The following IGSF21 variants were observed in gnomAD, a reference collection of about 807,000 sequenced individuals.
The protein encoded by IGSF21 is immunoglobin superfamily member 21.
In IGSF21, 28 loss-of-function variants were observed where a neutral mutation model predicts 46.8. The observed-to-expected ratio is 0.60, with a 90% CI of 0.44 to 0.82. The LOEUF (loss-of-function observed/expected upper bound fraction) is 0.82, where lower values mean the gene tolerates loss of function less well. Ranked by LOEUF, IGSF21 falls within the 40% of genes least tolerant of loss-of-function variation. IGSF21 has a pLI of 0.00. For missense variants in IGSF21, 624 were observed against 665.5 expected (o/e 0.94, Z 0.69); for synonymous variants, 284 against 273.6 (o/e 1.04, Z -0.38).
At chr1:18,229,241 G>T (rs2084600154) in intron 2 of IGSF21, among the ~76,000 whole-genome samples, 1 of 152,092 alleles carries the variant, frequency 6.6e-6, no homozygotes, top group South Asian at 2.1e-4. Flanking sequence ...GGAAGGTGGG[G>T]GGTGGGCACC....
At chr1:18,230,168 G>A (rs1396498993) in intron 2 of IGSF21, among the ~76,000 whole-genome samples, 1 of 152,150 alleles carries the variant, frequency 6.6e-6, no homozygotes, top group Non-Finnish European at 1.5e-5. Context: ...TAGAAGCCAG[G>A]AGCAGGTTTC....
chr1:18,281,319 G>T (rs572518701), intron 2 of IGSF21, among the ~76,000 whole-genome samples: 2 of 152,078 alleles, frequency 1.3e-5, no homozygotes, highest in Non-Finnish European at 2.9e-5. Context: ...CAACACTTTG[G>T]GAGGCGAGGT....
In IGSF21 at chr1:18,354,828, A is replaced by T. The variant is rs2085997818; in HGVS notation, c.425-7287A>T. ...GAGAGGGGCGTGGGCCATTGGAGAG[A>T]TAATATAATTAAAGCTTTCCTGTTT... On this transcript the variant is annotated intron_variant, in intron 4 of 9. Transcript: ENST00000251296. Among the ~76,000 whole-genome samples, 4 of 152,138 alleles carry T rather than the reference A, an allele frequency of 2.6e-5. No homozygotes were observed. The South Asian group carries it at 8.3e-4, about 31-fold the overall frequency.
chr1:18,170,988 A>G (rs915016787), intron 1 of IGSF21, among the ~76,000 whole-genome samples: 4 of 152,156 alleles, frequency 2.6e-5, no homozygotes, highest in African/African-American at 7.2e-5. Flanking sequence ...GAGGCATAGC[A>G]TGAACAAAAG....
At chr1:18,260,663 T>A (rs2084938706) in intron 2 of IGSF21, among the ~76,000 whole-genome samples, 1 of 152,230 alleles carries the variant, frequency 6.6e-6, no homozygotes, top group Non-Finnish European at 1.5e-5. Context: ...GGGCAGTAAC[T>A]TCTGAGTGTT....
chr1:18,338,946 T>C (rs576823673), intron 4 of IGSF21, among the ~76,000 whole-genome samples: 3 of 152,192 alleles, frequency 2.0e-5, no homozygotes, highest in South Asian at 2.1e-4. Context: ...AATTAGATGT[T>C]GTGAGAGCCA....
chr1:18,339,252 G>T (rs2085803578), intron 4 of IGSF21, among the ~76,000 whole-genome samples: 1 of 152,176 alleles, frequency 6.6e-6, no homozygotes, highest in Non-Finnish European at 1.5e-5. Context: ...GCAGGAGCGG[G>T]GCGTCCCACC....
intron 1 of IGSF21, among the ~76,000 whole-genome samples, chr1:18,134,375 T>A (rs1395019546): frequency 6.6e-6 from 1 of 152,108 alleles, no homozygotes; most frequent in African/African-American, 2.4e-5. Flanking sequence ...CTTGTGGACA[T>A]GGCCTCAGAA....
chr1:18,199,229 A>C (rs1484661031), intron 1 of IGSF21, among the ~76,000 whole-genome samples: 1 of 152,058 alleles, frequency 6.6e-6, no homozygotes, highest in Non-Finnish European at 1.5e-5. Flanking sequence ...GCGTGCCCTG[A>C]GTTCAAATAC....
chr1:18,374,600 G>C (rs1363866956), intron 6 of IGSF21, among the ~76,000 whole-genome samples: 1 of 151,498 alleles, frequency 6.6e-6, no homozygotes, highest in Non-Finnish European at 1.5e-5. Context: ...TCTCCTTGGT[G>C]CAAGCCCTGC....
chr1:18,221,013 T>C (rs898938299), intron 1 of IGSF21, among the ~76,000 whole-genome samples: 8 of 152,084 alleles, frequency 5.3e-5, no homozygotes, highest in African/African-American at 1.9e-4. Context: ...AGAGAAATGA[T>C]CAGGGACCAT....
intron 2 of IGSF21, among the ~76,000 whole-genome samples, chr1:18,287,098 G>A (rs1482792991): frequency 1.3e-5 from 2 of 150,408 alleles, no homozygotes; most frequent in African/African-American, 4.9e-5. Flanking sequence ...GGAGAATGGC[G>A]TGAACCCGGG....
At chr1:18,179,963 C>A (rs369173989) in intron 1 of IGSF21, among the ~76,000 whole-genome samples, 2 of 152,208 alleles carry the variant, frequency 1.3e-5, no homozygotes, top group African/African-American at 2.4e-5. Flanking sequence ...TCAGGGCCTT[C>A]GCCTTAGCTC....
chr1:18,227,460 C>T (rs1224875412), intron 1 of IGSF21, among the ~76,000 whole-genome samples: 1 of 151,848 alleles, frequency 6.6e-6, no homozygotes, highest in Non-Finnish European at 1.5e-5. Context: ...GCATTCATTT[C>T]CTGCAGGACC....
At position 18,362,084 on chromosome 1, in the gene IGSF21, C is replaced by T. The variant is rs771498247; in HGVS notation, c.425-31C>T. ...CTCTTCCTGAATCTCCCAGTTGAGC[C>T]CTTGTCTTCCTGTGCTTCCTTTTGG... On this transcript the variant is annotated intron_variant, in intron 4 of 9. Coordinates refer to ENST00000251296, the MANE Select transcript of IGSF21 (RefSeq NM_032880.5). 149 of 1,467,054 alleles carry T rather than the reference C, an allele frequency of 1.0e-4. 1 individual carries two copies. The Admixed American group carries it at 2.6e-3, about 26-fold the overall frequency. The allele number at this position is 1,467,054 out of a possible 1,614,324, so 90.9% of individuals were successfully genotyped here.
chr1:18,263,466 A>G (rs1415578102), intron 2 of IGSF21, among the ~76,000 whole-genome samples: 1 of 151,038 alleles, frequency 6.6e-6, no homozygotes, highest in Non-Finnish European at 1.5e-5. Flanking sequence ...TCTGAGTTTC[A>G]GGTTCATTTT....
At chr1:18,292,835 C>T (rs190801415) in intron 3 of IGSF21, among the ~76,000 whole-genome samples, 2 of 152,320 alleles carry the variant, frequency 1.3e-5, no homozygotes, top group African/African-American at 2.4e-5. Flanking sequence ...CCAGTACCCA[C>T]CCCTCCTCAG....
At chr1:18,265,216 C>T (rs2084979428) in intron 2 of IGSF21, among the ~76,000 whole-genome samples, 1 of 152,180 alleles carries the variant, frequency 6.6e-6, no homozygotes, top group South Asian at 2.1e-4. Context: ...GTATCACCAT[C>T]CAAATGCGTC....
At position 18,163,273 on chromosome 1, in the gene IGSF21, A is replaced by T. The variant is rs1263723473; in HGVS notation, c.70+55075A>T. Among the ~76,000 whole-genome samples, 3 of 149,942 alleles carry T rather than the reference A, an allele frequency of 2.0e-5. No individual in the cohort carries two copies. The East Asian group carries it at 5.8e-4, about 29-fold the overall frequency. On this transcript the variant is annotated intron_variant, in intron 1 of 9. Coordinates refer to ENST00000251296, the MANE Select transcript of IGSF21 (RefSeq NM_032880.5). The stretch of plus-strand genomic sequence containing the variant: ...AAGGCAATGTGGCAGGCCGGTGGTG[A>T]CTACTCAGAATAGTGGTTGTTATTG...
Sources: gnomAD v4.1 joint callset for allele counts (sites outside exome capture counted in the v4.1 genomes callset) on GRCh38, gnomAD v4.1.1 for gene constraint, MANE v1.5 for transcripts, NCBI Gene and HGNC (gene_info 2026-07-23, HGNC 2026-07-21) for gene names.